Variants in NRXN3 observed in about 807,000 individuals in gnomAD.
NRXN3 encodes neurexin 3.
A neutral mutation model predicts 137.6 loss-of-function variants in NRXN3; 32 were observed. The ratio of observed to expected loss-of-function variants is 0.23; its 90% CI spans 0.18 to 0.31. The LOEUF (loss-of-function observed/expected upper bound fraction) is 0.31, where lower values mean the gene tolerates loss of function less well. Ranked by LOEUF, NRXN3 falls within the 10% of genes least tolerant of loss-of-function variation. The probability of loss-of-function intolerance (pLI) is 1.00; values close to 1 mark genes in which losing one functional copy is unlikely to be tolerated. For missense variants in NRXN3, 1,574 were observed against 2,062.5 expected (o/e 0.76, Z 4.59); for synonymous variants, 798 against 784.5 (o/e 1.02, Z -0.29).
chr14:79,533,926 T>C (rs1334761581), intron 16 of NRXN3, among the ~76,000 whole-genome samples: 2 of 152,192 alleles, frequency 1.3e-5, no homozygotes, highest in Non-Finnish European at 2.9e-5. Context: ...TAATAGTAAT[T>C]GATAACAACT....
At chr14:79,775,215 T>A (rs2099092949) in intron 19 of NRXN3, among the ~76,000 whole-genome samples, 1 of 152,168 alleles carries the variant, frequency 6.6e-6, no homozygotes, top group African/African-American at 2.4e-5. Flanking sequence ...AGTACTGTTT[T>A]GTATTAAATA....
intron 16 of NRXN3, among the ~76,000 whole-genome samples, chr14:79,469,207 A>G (rs567896384): frequency 6.6e-6 from 1 of 152,212 alleles, no homozygotes; most frequent in African/African-American, 2.4e-5. Flanking sequence ...TGAGTCAAAT[A>G]GTGTACTATT....
intron 19 of NRXN3, among the ~76,000 whole-genome samples, chr14:79,721,243 A>G (rs2098843454): frequency 1.3e-5 from 2 of 152,160 alleles, no homozygotes; most frequent in African/African-American, 2.4e-5. Context: ...TTCCAGACAC[A>G]GATCATTACT....
chr14:79,629,826 CGTGTGT>C (rs543719888), intron 16 of NRXN3, among the ~76,000 whole-genome samples: 1 of 71,172 alleles, frequency 1.4e-5, no homozygotes, highest in Non-Finnish European at 2.4e-5. Flanking sequence ...TGTGTGTGTG[CGTGTGT>C]GTGTGTGTGT....
chr14:78,843,780 G>A (rs1475349680), intron 10 of NRXN3, among the ~76,000 whole-genome samples: 1 of 152,090 alleles, frequency 6.6e-6, no homozygotes, highest in Admixed American at 6.6e-5. Flanking sequence ...CAAATATGAA[G>A]AACAGTAATT....
intron 10 of NRXN3, among the ~76,000 whole-genome samples, chr14:78,872,126 G>C (rs566484402): frequency 4.0e-4 from 60 of 151,294 alleles, no homozygotes; most frequent in African/African-American, 1.5e-3. Flanking sequence ...TTTTTATTTT[G>C]ATGTCTTTAC....
At chr14:78,660,419 A>G (rs966067072) in intron 6 of NRXN3, among the ~76,000 whole-genome samples, 9 of 151,560 alleles carry the variant, frequency 5.9e-5, no homozygotes, top group Non-Finnish European at 1.2e-4. Flanking sequence ...TCAATTAGAG[A>G]CTCCTAATTA....
At position 79,864,397 on chromosome 14, in the gene NRXN3, G is replaced by C. The variant is rs1431689794; in HGVS notation, c.*2433G>C. On this transcript the variant is annotated 3_prime_UTR_variant, in exon 21 of 21. Transcript: ENST00000335750. Reference sequence around the variant, plus strand: ...GCATTTTCGTTCAAGGATATGCTTAGCAATAAAATGTTCTTCCCAAAACCT... The same window carrying C: ...GCATTTTCGTTCAAGGATATGCTTACCAATAAAATGTTCTTCCCAAAACCT... 1 of 152,438 alleles carries C rather than the reference G, an allele frequency of 6.6e-6. No individual in the cohort carries two copies. Among genetic ancestry groups the C allele is most frequent in the Non-Finnish European group, 1.5e-5 (1 of 68,004 alleles). 9.4% of individuals were successfully genotyped at this position (152,438 alleles called of 1,614,324 possible). A position where few individuals can be genotyped will look rare whatever the true frequency, so the allele number is the denominator to read the frequency against.
chr14:79,034,060 C>CT lies in NRXN3; in HGVS notation c.3262+45921dup, dbSNP rs1014046108. Among the ~76,000 whole-genome samples the CT allele has an allele frequency of 5.9e-5, 9 of 152,150 alleles. No individual in the cohort carries two copies. The East Asian group carries it at 1.7e-3, about 29-fold the overall frequency. ...TGGACATAATATGACTTTAGGATTT[C>CT]TTATCACCCACTTCAAAAACCCCAG... On this transcript the variant is annotated intron_variant, in intron 15 of 20. Coordinates refer to ENST00000335750, the MANE Select transcript of NRXN3 (RefSeq NM_001330195.2).
At chr14:79,157,077 A>C (rs780207991) in intron 15 of NRXN3, among the ~76,000 whole-genome samples, 1 of 151,742 alleles carries the variant, frequency 6.6e-6, no homozygotes, top group Non-Finnish European at 1.5e-5. Flanking sequence ...GTTAATTGGT[A>C]TCTGCCATTG....
intron 4 of NRXN3, among the ~76,000 whole-genome samples, chr14:78,373,225 T>C (rs1385295125): frequency 6.6e-6 from 1 of 151,748 alleles, no homozygotes; most frequent in Non-Finnish European, 1.5e-5. Context: ...AAGTCTAAAG[T>C]CAGAGGGGAC....
At chr14:78,354,381 G>T (rs577112872) in intron 4 of NRXN3, among the ~76,000 whole-genome samples, 1 of 152,276 alleles carries the variant, frequency 6.6e-6, no homozygotes, top group Admixed American at 6.5e-5. Flanking sequence ...CTTTCCCTGT[G>T]AAATTCAGAG....
chr14:79,828,651 C>T (rs1003933985), intron 20 of NRXN3, among the ~76,000 whole-genome samples: 8 of 110,718 alleles, frequency 7.2e-5, no homozygotes, highest in Non-Finnish European at 1.0e-4. Flanking sequence ...GTAAAATTGT[C>T]TTTTTTTTTT....
At position 79,490,137 on chromosome 14, in the gene NRXN3, A is replaced by G. The variant is rs568977134; in HGVS notation, c.3444+22735A>G. 2.0e-3 allele frequency among the ~76,000 whole-genome samples: 302 copies of G among 152,248 alleles called. 2 individuals carry two copies. Among genetic ancestry groups the G allele is most frequent in the African/African-American group, 7.1e-3 (294 of 41,558 alleles). On this transcript the variant is annotated intron_variant, in intron 16 of 20. Coordinates refer to ENST00000335750, the MANE Select transcript of NRXN3 (RefSeq NM_001330195.2). ...TCAAATATTCTATGAGAATAAAAACAGGCTTATACCCAAAGATAGGCAATA... is the reference window on the plus strand; with the variant it reads ...TCAAATATTCTATGAGAATAAAAACGGGCTTATACCCAAAGATAGGCAATA...
chr14:79,261,908 G>C (rs2077659931), intron 15 of NRXN3, among the ~76,000 whole-genome samples: 1 of 151,998 alleles, frequency 6.6e-6, no homozygotes, highest in Non-Finnish European at 1.5e-5. Context: ...CCCACTTCTT[G>C]CTTCTCTAGA....
chr14:79,593,789 G>A (rs975703717), intron 16 of NRXN3, among the ~76,000 whole-genome samples: 4 of 152,072 alleles, frequency 2.6e-5, no homozygotes, highest in African/African-American at 9.7e-5. Context: ...TCTTATTTAA[G>A]CAGACTCATT....
intron 15 of NRXN3, among the ~76,000 whole-genome samples, chr14:79,183,689 G>C (rs2063199600): frequency 6.6e-6 from 1 of 152,170 alleles, no homozygotes; most frequent in South Asian, 2.1e-4. Context: ...CTCACATAAT[G>C]GCTATGTCTC....
chr14:78,531,810 G>T (rs879305542), intron 4 of NRXN3, among the ~76,000 whole-genome samples: 1 of 152,098 alleles, frequency 6.6e-6, no homozygotes, highest in African/African-American at 2.4e-5. Context: ...TAGACACTTT[G>T]AGACTGTTTA....
intron 19 of NRXN3, among the ~76,000 whole-genome samples, chr14:79,728,846 T>A (rs1225462228): frequency 1.3e-5 from 2 of 152,200 alleles, no homozygotes; most frequent in East Asian, 1.9e-4. Flanking sequence ...CAAAAGTAGA[T>A]GATATCATCG....
Sources: allele counts gnomAD v4.1 joint callset (sites outside exome capture counted in the v4.1 genomes callset), GRCh38; gene constraint gnomAD v4.1.1; transcripts MANE v1.5; gene names NCBI Gene and HGNC (gene_info 2026-07-23, HGNC 2026-07-21).